The following RAP1A variants were observed in gnomAD, a reference collection of about 807,000 sequenced individuals.
RAP1A encodes RAP1A, member of RAS oncogene family, also known as ras-related protein Rap-1A.
A neutral mutation model predicts 26.4 loss-of-function variants in RAP1A; 6 were observed. The ratio of observed to expected loss-of-function variants is 0.23; its 90% CI spans 0.12 to 0.45. The LOEUF is 0.45. Ranked by LOEUF, RAP1A falls within the 20% of genes least tolerant of loss-of-function variation. The probability of loss-of-function intolerance (pLI) is 0.99; values close to 1 mark genes in which losing one functional copy is unlikely to be tolerated. For missense variants in RAP1A, 121 were observed against 217.2 expected (o/e 0.56, Z 2.78); for synonymous variants, 73 against 79.4 (o/e 0.92, Z 0.43).
At chr1:111,708,590 C>A (rs959584109) in intron 6 of RAP1A, among the ~76,000 whole-genome samples, 1 of 152,178 alleles carries the variant, frequency 6.6e-6, no homozygotes, top group African/African-American at 2.4e-5. Flanking sequence ...GGGCAGTTGA[C>A]AAAATTGGAA....
intron 1 of RAP1A, chr1:111,649,379 C>T (rs1459989182): frequency 2.6e-6 from 1 of 378,578 alleles, no homozygotes; most frequent in Non-Finnish European, 5.1e-6. Flanking sequence ...GCCATCCCTG[C>T]AGCCAGACCC....
chr1:111,595,276 C>G (rs1255897756), intron 1 of RAP1A, among the ~76,000 whole-genome samples: 1 of 152,166 alleles, frequency 6.6e-6, no homozygotes, highest in Non-Finnish European at 1.5e-5. Context: ...AACCTGAAGG[C>G]TGCAGGAGGA....
intron 1 of RAP1A, among the ~76,000 whole-genome samples, chr1:111,657,758 C>T (rs1557881010): frequency 6.6e-6 from 1 of 152,084 alleles, no homozygotes; most frequent in African/African-American, 2.4e-5. Flanking sequence ...AATCATTTGA[C>T]CATATATGTG....
chr1:111,653,927 G>A (rs1176754056), intron 1 of RAP1A, among the ~76,000 whole-genome samples: 1 of 152,054 alleles, frequency 6.6e-6, no homozygotes, highest in Non-Finnish European at 1.5e-5. Context: ...TTAGGAAGGG[G>A]TATAAACCAA....
intron 1 of RAP1A, among the ~76,000 whole-genome samples, chr1:111,604,141 G>A (rs1658725390): frequency 1.3e-5 from 2 of 152,308 alleles, no homozygotes; most frequent in South Asian, 4.1e-4. Context: ...AGGCCCTGAG[G>A]CTGCGGTGGT....
chr1:111,615,367 C>G (rs1658994627), upstream of RAP1A, among the ~76,000 whole-genome samples: 1 of 151,734 alleles, frequency 6.6e-6, no homozygotes. Context: ...CAGCAAAAGT[C>G]TCGACCTAGG....
intron 1 of RAP1A, among the ~76,000 whole-genome samples, chr1:111,558,195 T>G (rs991073851): frequency 1.3e-5 from 2 of 152,202 alleles, no homozygotes; most frequent in Non-Finnish European, 2.9e-5. Context: ...CTTTTTGTTT[T>G]GAGACAGGGT....
chr1:111,593,207 T>TA (rs1658501476), intron 1 of RAP1A, among the ~76,000 whole-genome samples: 1 of 152,128 alleles, frequency 6.6e-6, no homozygotes, highest in African/African-American at 2.4e-5. Context: ...GGCTGTCTAG[T>TA]AAAAATCAGC....
intron 1 of RAP1A, among the ~76,000 whole-genome samples, chr1:111,648,068 A>T (rs1660128351): frequency 1.3e-5 from 2 of 151,772 alleles, no homozygotes; most frequent in Non-Finnish European, 2.9e-5. Flanking sequence ...TTTATTTTTT[A>T]AATTTTATTT....
intron 1 of RAP1A, among the ~76,000 whole-genome samples, chr1:111,560,041 T>C (rs942347916): frequency 1.3e-5 from 2 of 152,240 alleles, no homozygotes; most frequent in South Asian, 4.1e-4. Context: ...TAGGCAATTT[T>C]TTTCATTCAA....
At position 111,684,131 on chromosome 1, in the gene RAP1A, T is replaced by C. The variant is rs537805005; in HGVS notation, c.-27-7203T>C. On this transcript the variant is annotated intron_variant, in intron 1 of 7. Coordinates refer to ENST00000369709, the MANE Select transcript of RAP1A (RefSeq NM_002884.4). ...CAACACCCCTTCATGCTAAAAACTC[T>C]CAATAAACTAGGTACTGATGGAACA... Among the ~76,000 whole-genome samples, 61 of 152,272 alleles carry C rather than the reference T, an allele frequency of 4.0e-4. No homozygotes were observed. The South Asian group carries it at 5.6e-3, about 14-fold the overall frequency.
intron 1 of RAP1A, among the ~76,000 whole-genome samples, chr1:111,611,369 G>A (rs1658924244): frequency 6.6e-6 from 1 of 152,150 alleles, no homozygotes; most frequent in African/African-American, 2.4e-5. Context: ...ACCATAAATA[G>A]TGAGTCTAAA....
chr1:111,551,591 A>G (rs1050870666), intron 1 of RAP1A, among the ~76,000 whole-genome samples: 1 of 152,216 alleles, frequency 6.6e-6, no homozygotes, highest in Admixed American at 6.5e-5. Context: ...CCATCAATAT[A>G]AATTTATAAT....
intron 1 of RAP1A, among the ~76,000 whole-genome samples, chr1:111,652,476 A>G (rs1001427344): frequency 2.0e-5 from 3 of 152,112 alleles, no homozygotes; most frequent in Non-Finnish European, 4.4e-5. Context: ...TTTACTTTTT[A>G]AAGAGTTTTT....
intron 1 of RAP1A, among the ~76,000 whole-genome samples, chr1:111,622,982 G>A (rs2101091952): frequency 6.6e-6 from 1 of 152,074 alleles, no homozygotes; most frequent in Non-Finnish European, 1.5e-5. Context: ...TTTTCATGTT[G>A]GTAATTGTTT....
At chr1:111,649,498 C>G (rs897226929) in intron 1 of RAP1A, 12 of 305,338 alleles carry the variant, frequency 3.9e-5, no homozygotes, top group African/African-American at 2.2e-4. Context: ...CTTGACAGAG[C>G]TTAGGGACTG....
intron 1 of RAP1A, among the ~76,000 whole-genome samples, chr1:111,569,456 C>G (rs1657998530): frequency 6.6e-6 from 1 of 151,604 alleles, no homozygotes; most frequent in African/African-American, 2.4e-5. Context: ...CACCCCTAAC[C>G]TAACCCCTTC....
intron 1 of RAP1A, among the ~76,000 whole-genome samples, chr1:111,645,441 A>C (rs1209989411): frequency 3.3e-5 from 5 of 152,180 alleles, no homozygotes; most frequent in Non-Finnish European, 1.5e-5. Context: ...GTGAGATTTC[A>C]GACCAGGAAT....
At chr1:111,588,063 C>T (rs761769227) in intron 1 of RAP1A, among the ~76,000 whole-genome samples, 13 of 152,204 alleles carry the variant, frequency 8.5e-5, no homozygotes, top group Non-Finnish European at 1.9e-4. Context: ...CTTCTCTCTG[C>T]GTTGATGATA....
Sources: gnomAD v4.1 joint callset for allele counts (sites outside exome capture counted in the v4.1 genomes callset) on GRCh38, gnomAD v4.1.1 for gene constraint, MANE v1.5 for transcripts, NCBI Gene and HGNC (gene_info 2026-07-23, HGNC 2026-07-21) for gene names.